The following ABCB5 variants were observed in gnomAD, a reference collection of about 807,000 sequenced individuals.
ABCB5 encodes ATP binding cassette subfamily B member 5, also known as ATP-binding cassette sub-family B member 5.
A neutral mutation model predicts 144.2 loss-of-function variants in ABCB5; 155 were observed. That is an observed-to-expected ratio of 1.08 (90% CI 0.94 to 1.23). ABCB5 has a LOEUF of 1.23. Among genes scored for constraint, ABCB5 ranks in the 50% most tolerant of loss-of-function variants. The pLI is 0.00. For missense variants in ABCB5, 1,830 were observed against 1,520.8 expected (o/e 1.20, Z -3.38); for synonymous variants, 610 against 528.6 (o/e 1.15, Z -2.11).
intron 17 of ABCB5, among the ~76,000 whole-genome samples, chr7:20,698,966 G>T (rs931569547): frequency 2.0e-5 from 3 of 152,088 alleles, no homozygotes; most frequent in African/African-American, 7.2e-5. Context: ...CAGGGCAATT[G>T]GTGTGTTTAA....
In ABCB5 at chr7:20,755,524, T is replaced by C. The variant is rs982496914; in HGVS notation, c.3674T>C (p.Val1225Ala). 8 of 1,614,188 alleles carry C rather than the reference T, an allele frequency of 5.0e-6. No homozygotes were observed. In the African/African-American group the frequency reaches 5.3e-5, roughly 11 times the overall value. The stretch of plus-strand genomic sequence containing the variant: ...ATTCAGAACGCAGATTTGATAGTGG[T>C]TCTGCACAATGGAAAGATAAAGGAA... ...SAIQNADLIV[V>A]LHNGKIKEQG... Residue 1225 changes from valine (V) to alanine (A), a missense_variant, in exon 28 of 28, where the codon GTT becomes GCT. Transcript: ENST00000404938.
At chr7:20,674,484 T>G (rs1386673485) in intron 14 of ABCB5, among the ~76,000 whole-genome samples, 1 of 151,914 alleles carries the variant, frequency 6.6e-6, no homozygotes, top group Non-Finnish European at 1.5e-5. Context: ...TCTGTCATCT[T>G]TATGTTTGTT....
rs759900001 is a variant in ABCB5, at chr7:20,723,072, A to G, written c.2478A>G (p.Ser826=). The G allele has an allele frequency of 1.9e-6, 3 of 1,614,160 alleles. No homozygotes were observed. The highest frequency in any genetic ancestry group is 2.5e-6 in the Non-Finnish European group (3 of 1,180,020). ...LTQNATNMGL[S]VIISFIYGWE... ...AAAATGCAACTAACATGGGACTTTC[A>G]GTTATCATTTCCTTTATATATGGAT... is the stretch of plus-strand genomic sequence containing the variant. Residue 826 remains serine (S), a synonymous_variant, in exon 21 of 28, where the codon TCA becomes TCG. Transcript: ENST00000404938.
chr7:20,668,654 C>T (rs1231689311), intron 14 of ABCB5, among the ~76,000 whole-genome samples: 3 of 144,600 alleles, frequency 2.1e-5, no homozygotes, highest in Admixed American at 6.8e-5. Context: ...GACTCCTCTG[C>T]CCGGCCGCCC....
chr7:20,681,032 T>TCTCTC (rs1785789732), intron 14 of ABCB5, among the ~76,000 whole-genome samples: 1 of 28,388 alleles, frequency 3.5e-5, no homozygotes, highest in African/African-American at 1.8e-4. Context: ...CTTTCTTTCT[T>TCTCTC]TCTCTTTCTT....
chr7:20,628,820 C>G lies in ABCB5; in HGVS notation c.241C>G (p.Leu81Val), dbSNP rs745680917. The G allele has an allele frequency of 1.9e-5, 31 of 1,613,492 alleles. No homozygotes were observed. The Admixed American group carries it at 5.2e-4, about 27-fold the overall frequency. The part of the protein sequence containing the change: ...EMSDNLISGC[L>V]VQTNTTNYQN... ...GAGTGATAACCTTATTAGTGGATGT[C>G]TAGTCCAAACTAACACAAGTGAGTA... is the stretch of plus-strand genomic sequence containing the variant. Residue 81 changes from leucine (L) to valine (V), a missense_variant, in exon 4 of 28, where the codon CTA (leucine) becomes GTA (valine). Physicochemically the swap from Leu to Val is conservative, Grantham distance 32 (BLOSUM62 1). Transcript: ENST00000404938.
At chr7:20,644,131 G>A (rs1486243345) in intron 7 of ABCB5, among the ~76,000 whole-genome samples, 1 of 151,824 alleles carries the variant, frequency 6.6e-6, no homozygotes, top group Non-Finnish European at 1.5e-5. Flanking sequence ...TGTCACACAG[G>A]CTGGAGTGCA....
intron 14 of ABCB5, among the ~76,000 whole-genome samples, chr7:20,665,615 TGA>T (rs1401125124): frequency 1.3e-5 from 2 of 151,894 alleles, no homozygotes; most frequent in Admixed American, 6.6e-5. Flanking sequence ...TCTCAAGGAC[TGA>T]GAGAGGTGGG....
chr7:20,754,425 G>A (rs572458646), intron 27 of ABCB5, among the ~76,000 whole-genome samples: 1 of 152,298 alleles, frequency 6.6e-6, no homozygotes, highest in African/African-American at 2.4e-5. Flanking sequence ...TATGACCTTG[G>A]TCTAACCTCA....
chr7:20,679,501 AAG>A (rs1449526013), intron 14 of ABCB5, among the ~76,000 whole-genome samples: 1 of 148,944 alleles, frequency 6.7e-6, no homozygotes, highest in African/African-American at 2.5e-5. Context: ...GAGAGAGAGA[AAG>A]AGAGTGAAAA....
chr7:20,752,222 T>A (rs943800603), intron 26 of ABCB5, among the ~76,000 whole-genome samples: 6 of 152,344 alleles, frequency 3.9e-5, no homozygotes, highest in African/African-American at 1.4e-4. Flanking sequence ...AACTGATCCA[T>A]CTACACATTC....
intron 14 of ABCB5, among the ~76,000 whole-genome samples, chr7:20,675,846 A>C (rs925396957): frequency 6.6e-6 from 1 of 152,086 alleles, no homozygotes; most frequent in Non-Finnish European, 1.5e-5. Context: ...AACCTGATTT[A>C]AAAATAGGCC....
rs146213410 is a variant in ABCB5, at chr7:20,692,906, C to T, written c.2011-5501C>T. On this transcript the variant is annotated intron_variant, in intron 16 of 27. Coordinates refer to ENST00000404938, the MANE Select transcript of ABCB5 (RefSeq NM_001163941.2). ...CAGTTTATCCAGAACTGCAAATAGA[C>T]AAATCTCCAATTGTATTCAGAGATT... Among the ~76,000 whole-genome samples, 946 of 152,174 alleles carry T rather than the reference C, an allele frequency of 6.2e-3. 8 individuals carry two copies. The highest frequency in any genetic ancestry group is 0.022 in the African/African-American group (904 of 41,528).
intron 16 of ABCB5, among the ~76,000 whole-genome samples, chr7:20,695,278 C>T (rs1006661310): frequency 4.6e-5 from 7 of 151,588 alleles, no homozygotes; most frequent in Non-Finnish European, 7.4e-5. Context: ...CATAAATGGT[C>T]AATTGCTTTT....
chr7:20,650,654 A>T (rs1487456066), intron 12 of ABCB5, among the ~76,000 whole-genome samples: 1 of 152,000 alleles, frequency 6.6e-6, no homozygotes, highest in Non-Finnish European at 1.5e-5. Context: ...AGTGATATTC[A>T]AAAGTGATTA....
At chr7:20,717,620 G>A (rs1401785895) in intron 20 of ABCB5, among the ~76,000 whole-genome samples, 2 of 151,656 alleles carry the variant, frequency 1.3e-5, no homozygotes, top group African/African-American at 4.8e-5. Flanking sequence ...TTTATTTTTA[G>A]TAGAGATGAG....
chr7:20,631,302 A>G (rs1273828661), intron 4 of ABCB5, among the ~76,000 whole-genome samples: 2 of 152,164 alleles, frequency 1.3e-5, no homozygotes, highest in Non-Finnish European at 2.9e-5. Context: ...CCACAATTCC[A>G]TAAATAGAAT....
chr7:20,647,740 A>T, intron 10 of ABCB5, 92 bp downstream of exon 10: 1 of 1,500,366 alleles, frequency 6.7e-7, no homozygotes, highest in Non-Finnish European at 8.9e-7. Context: ...AAACAATAGG[A>T]TGGACAAATT....
chr7:20,712,629 A>G (rs1332134414), intron 20 of ABCB5, among the ~76,000 whole-genome samples: 2 of 149,270 alleles, frequency 1.3e-5, no homozygotes, highest in African/African-American at 5.0e-5. Flanking sequence ...CTTCTTCAAT[A>G]TTTAATCTGC....
Sources: allele counts gnomAD v4.1 joint callset (sites outside exome capture counted in the v4.1 genomes callset), GRCh38; gene constraint gnomAD v4.1.1; transcripts MANE v1.5; gene names NCBI Gene and HGNC (gene_info 2026-07-23, HGNC 2026-07-21).